The following ZNF732 variants were observed in gnomAD, a reference collection of about 807,000 sequenced individuals.
ZNF732 encodes zinc finger protein 732, also known as zinc finger protein LOC654254.
A neutral mutation model predicts 11.5 loss-of-function variants in ZNF732; 12 were observed. That is an observed-to-expected ratio of 1.05 (90% CI 0.67 to 1.70). The LOEUF is 1.70. Among genes scored for constraint, ZNF732 ranks in the 40% most tolerant of loss-of-function variants. The pLI, the probability that ZNF732 is intolerant of heterozygous loss-of-function variation, is 0.00. For synonymous variants in ZNF732, 231 were observed against 236.5 expected, an observed-to-expected ratio of 0.98 and a Z score of 0.21; for missense variants, 702 against 676.9, an observed-to-expected ratio of 1.04 and a Z score of -0.41.
At chr4:275,809 G>A (rs1216533692) in intron 3 of ZNF732, among the ~76,000 whole-genome samples, 21 of 151,482 alleles carry the variant, frequency 1.4e-4, no homozygotes, top group Non-Finnish European at 5.9e-5. Flanking sequence ...AAAAAGTCAC[G>A]AAGAGACAAA....
At position 286,053 on chromosome 4, in the gene ZNF732, G is replaced by A. The variant is rs147633040; in HGVS notation, c.226+9385C>T. On this transcript the variant is annotated intron_variant, in intron 3 of 3. Transcript: ENST00000419098. ...ACATTTCTGGTTTTTGGGGAACTGT[G>A]CGAAGATGAGTTTTGTCTCCCCTGA... Among the ~76,000 whole-genome samples, 489 of 152,344 alleles carry A rather than the reference G, an allele frequency of 3.2e-3. 4 individuals carry two copies. The highest frequency in any genetic ancestry group is 0.011 in the African/African-American group (467 of 41,586).
At chr4:286,015 G>A (rs1344087890) in intron 3 of ZNF732, among the ~76,000 whole-genome samples, 2 of 152,230 alleles carry the variant, frequency 1.3e-5, no homozygotes, top group Non-Finnish European at 2.9e-5. Context: ...GAAAGAAAGT[G>A]GGATATGTGT....
rs1719334319 is a variant in ZNF732 at position 270,797 on chromosome 4, G to C, written c.*302C>G. 1 of 562,380 alleles carries C rather than the reference G, an allele frequency of 1.8e-6. No individual in the cohort carries two copies. Among genetic ancestry groups the C allele is most frequent in the African/African-American group, 1.9e-5 (1 of 52,928 alleles). 34.8% of individuals were successfully genotyped at this position (562,380 alleles called of 1,614,324 possible). A position where few individuals can be genotyped will look rare whatever the true frequency, so the allele number is the denominator to read the frequency against. The stretch of plus-strand genomic sequence containing the variant: ...TCATCTCCCATATGAATTTTCTTAT[G>C]TTCACTCAGGGTTGTGGACCATCTA... On this transcript the variant is annotated 3_prime_UTR_variant, in exon 4 of 4. Coordinates refer to ENST00000419098, the MANE Select transcript of ZNF732 (RefSeq NM_001137608.3).
rs10005733 is a variant in ZNF732, at chr4:298,212, C to A, written c.4-2057G>T. 1.1e-3 allele frequency among the ~76,000 whole-genome samples: 163 copies of A among 152,002 alleles called. 3 individuals carry two copies. The South Asian group carries it at 0.029, about 27-fold the overall frequency. ...CACAAAACAATAAAAGGGAAGTAAC[C>A]CAAATGAAGCTTAAGTGTCCTGTAC... On this transcript the variant is annotated intron_variant, in intron 1 of 3. Coordinates refer to ENST00000419098, the MANE Select transcript of ZNF732 (RefSeq NM_001137608.3).
chr4:271,324 A>G lies in ZNF732; in HGVS notation c.1533T>C (p.Phe511=). 2 of 1,601,864 alleles carry G rather than the reference A, an allele frequency of 1.2e-6. No individual in the cohort carries two copies. The highest frequency in any genetic ancestry group is 1.7e-6 in the Non-Finnish European group (2 of 1,173,598). ...GTTTACTCAGGTATGTGGACCATCC[A>G]AAGGCTTTGCCACACTCTTCACATT... ...PYECEECGKA[F]GWSTYLSKHK... is the part of the protein sequence containing the mutation. Residue 511 remains phenylalanine, a synonymous_variant, in exon 4 of 4, where the codon TTT becomes TTC. Coordinates refer to ENST00000419098, the MANE Select transcript of ZNF732 (RefSeq NM_001137608.3).
At chr4:289,490 CAGA>C (rs1227768474) in intron 3 of ZNF732, among the ~76,000 whole-genome samples, 1 of 152,188 alleles carries the variant, frequency 6.6e-6, no homozygotes, top group Non-Finnish European at 1.5e-5. Flanking sequence ...CTCTGATTAC[CAGA>C]AGTTTTACTA....
chr4:300,147 T>C (rs1553843398), intron 1 of ZNF732, among the ~76,000 whole-genome samples: 1 of 151,858 alleles, frequency 6.6e-6, no homozygotes, highest in African/African-American at 2.4e-5. Context: ...TAGTGTCAAG[T>C]ATGAAATTAT....
intron 3 of ZNF732, among the ~76,000 whole-genome samples, chr4:291,168 G>A (rs1164624306): frequency 6.6e-6 from 1 of 152,108 alleles, no homozygotes; most frequent in African/African-American, 2.4e-5. Context: ...CCCTAGAGTG[G>A]AATAACAAAA....
chr4:281,292 T>C (rs1378061229), intron 3 of ZNF732, among the ~76,000 whole-genome samples: 5 of 152,214 alleles, frequency 3.3e-5, no homozygotes, highest in African/African-American at 1.2e-4. Flanking sequence ...TGGTCTCAGC[T>C]GTGTATCCTG....
At chr4:290,073 T>G (rs1368402489) in intron 3 of ZNF732, among the ~76,000 whole-genome samples, 1 of 152,262 alleles carries the variant, frequency 6.6e-6, no homozygotes, top group Non-Finnish European at 1.5e-5. Flanking sequence ...AGCCATTATT[T>G]TAAGTGAAAT....
chr4:290,333 A>G (rs73791815), intron 3 of ZNF732, among the ~76,000 whole-genome samples: 1,867 of 152,338 alleles, frequency 0.012, 38 homozygotes, highest in African/African-American at 0.043. Flanking sequence ...GATTCCAAAA[A>G]TAGTTCTGTA....
At chr4:303,719 A>C (rs1241289761) in intron 1 of ZNF732, among the ~76,000 whole-genome samples, 1 of 152,240 alleles carries the variant, frequency 6.6e-6, no homozygotes, top group Admixed American at 6.5e-5. Context: ...AGCCGCGTCT[A>C]ATTTGGGTTT....
intron 1 of ZNF732, among the ~76,000 whole-genome samples, chr4:301,473 G>A (rs1412823146): frequency 6.6e-6 from 1 of 152,120 alleles, no homozygotes; most frequent in Non-Finnish European, 1.5e-5. Flanking sequence ...CAACCAAAAT[G>A]TCCAACAATG....
chr4:302,168 T>G (rs1322785380), intron 1 of ZNF732, among the ~76,000 whole-genome samples: 1 of 152,122 alleles, frequency 6.6e-6, no homozygotes, highest in Non-Finnish European at 1.5e-5. Context: ...GGGTTGTGAG[T>G]GGAATCCTGA....
intron 1 of ZNF732, 57 bp downstream of exon 1, chr4:305,251 T>C: frequency 6.3e-7 from 1 of 1,586,178 alleles, no homozygotes; most frequent in South Asian, 1.1e-5. Context: ...CGCCGCCATT[T>C]CCCGCCGGTT....
At position 305,342 on chromosome 4, in the gene ZNF732, G is replaced by A. The variant is rs781831952; in HGVS notation, c.-32C>T. 5.0e-6 allele frequency: 8 copies of A among 1,607,468 alleles called. No homozygotes were observed. Among genetic ancestry groups the A allele is most frequent in the Non-Finnish European group, 5.1e-6 (6 of 1,179,790 alleles). ...ACTTCAGGGGTGTAGCGGAGTCTCA[G>A]CTACGAATCATCCAATACCCGCAGG... is the stretch of plus-strand genomic sequence containing the variant. On this transcript the variant is annotated 5_prime_UTR_variant, in exon 1 of 4. Transcript: ENST00000419098.
At chr4:281,737 A>C (rs1468879598) in intron 3 of ZNF732, among the ~76,000 whole-genome samples, 1 of 152,236 alleles carries the variant, frequency 6.6e-6, no homozygotes, top group Non-Finnish European at 1.5e-5. Context: ...ATAATGACTG[A>C]AAGAGGTATT....
At chr4:291,434 A>G (rs1173879954) in intron 3 of ZNF732, among the ~76,000 whole-genome samples, 1 of 152,230 alleles carries the variant, frequency 6.6e-6, no homozygotes, top group African/African-American at 2.4e-5. Flanking sequence ...CAAAAAAAGA[A>G]AAAAATTCAA....
intron 1 of ZNF732, among the ~76,000 whole-genome samples, chr4:299,488 T>TATATACAC (rs1560165359): frequency 9.5e-6 from 1 of 104,992 alleles, no homozygotes; most frequent in African/African-American, 3.9e-5. Flanking sequence ...TATATACACA[T>TATATACAC]ATGTGTGTAT....
Sources: gnomAD v4.1 joint callset for allele counts (sites outside exome capture counted in the v4.1 genomes callset) on GRCh38, gnomAD v4.1.1 for gene constraint, MANE v1.5 for transcripts, NCBI Gene and HGNC (gene_info 2026-07-23, HGNC 2026-07-21) for gene names.